The following PLEKHH1 variants were observed in gnomAD, a reference collection of about 807,000 sequenced individuals.
The protein encoded by PLEKHH1 is pleckstrin homology domain-containing family H member 1.
A neutral mutation model predicts 160.0 loss-of-function variants in PLEKHH1; 104 were observed. The ratio of observed to expected loss-of-function variants is 0.65; its 90% CI spans 0.55 to 0.76. The LOEUF (loss-of-function observed/expected upper bound fraction) is 0.76, where lower values mean the gene tolerates loss of function less well. PLEKHH1 is among the 30% of genes least tolerant of loss of function. The probability of loss-of-function intolerance (pLI) is 0.00; values close to 1 mark genes in which losing one functional copy is unlikely to be tolerated. For missense variants in PLEKHH1, 1,427 were observed against 1,724.1 expected (o/e 0.83, Z 3.05); for synonymous variants, 619 against 678.4 (o/e 0.91, Z 1.36).
At chr14:67,585,752 G>A in intron 27 of PLEKHH1, 98 bp downstream of exon 27, 2 of 1,054,684 alleles carry the variant, frequency 1.9e-6, no homozygotes, top group Admixed American at 4.4e-5. Context: ...AAGTGACCAT[G>A]GCTGCCCTAC....
In PLEKHH1 at chr14:67,562,578, G is replaced by A. The variant is rs780151592; in HGVS notation, c.947G>A (p.Arg316Gln). The A allele has an allele frequency of 1.6e-5, 26 of 1,612,364 alleles. No individual in the cohort carries two copies. Among genetic ancestry groups the A allele is most frequent in the East Asian group, 6.7e-5 (3 of 44,798 alleles). ...PGSSLTLPKV[R>Q]APGTPRDSIQ... ...AGCAGTCTGACCCTACCAAAGGTGCGGGCTCCTGGCACCCCGCGGGACAGC... is the reference window on the plus strand; with the variant it reads ...AGCAGTCTGACCCTACCAAAGGTGCAGGCTCCTGGCACCCCGCGGGACAGC... The change falls in exon 7 of 29, where the codon CGG becomes CAG. Residue 316 changes from arginine to glutamine, a missense_variant. Arg to Gln is a conservative substitution (Grantham distance 43). Coordinates refer to ENST00000329153, the MANE Select transcript of PLEKHH1 (RefSeq NM_020715.3).
intron 3 of PLEKHH1, among the ~76,000 whole-genome samples, chr14:67,556,888 A>T (rs1429110959): frequency 6.6e-6 from 1 of 152,112 alleles, no homozygotes; most frequent in Non-Finnish European, 1.5e-5. Flanking sequence ...TGAACAGTAA[A>T]TATCTCTACC....
chr14:67,555,552 C>T lies in PLEKHH1; in HGVS notation c.127-273C>T, dbSNP rs911593424. Among the ~76,000 whole-genome samples the T allele has an allele frequency of 7.9e-5, 12 of 152,272 alleles. No individual in the cohort carries two copies. In the East Asian group the frequency reaches 1.4e-3, roughly 17 times the overall value. ...ATGACAGTGGAGCTGCTGCCCTCCC[C>T]GGACACCCTCCATCAGGACAAAAGA... On this transcript the variant is annotated intron_variant, in intron 2 of 28. Transcript: ENST00000329153.
rs76077213 is a variant in PLEKHH1 at position 67,557,656 on chromosome 14, G to A, written c.339+238G>A. 1.8e-4 allele frequency among the ~76,000 whole-genome samples: 28 copies of A among 152,364 alleles called. 1 individual carries two copies. In the East Asian group the frequency reaches 5.4e-3, roughly 29 times the overall value. ...AGCTTGGAGGCAGACTGATCTGGGT[G>A]TGAAGCCCACCTCTAGCACCTGCTG... On this transcript the variant is annotated intron_variant, in intron 4 of 28. Transcript: ENST00000329153.
Position 67,587,387 on chromosome 14 carries a change from C to T in PLEKHH1, c.*152C>T. ...TTTTAGTCTCTGTGAAGCCTTTACT[C>T]TCTAGGTGCCTTATAATGTTTCAGG... is the stretch of plus-strand genomic sequence containing the variant. On this transcript the variant is annotated 3_prime_UTR_variant, in exon 29 of 29. Coordinates refer to ENST00000329153, the MANE Select transcript of PLEKHH1 (RefSeq NM_020715.3). 1 of 816,034 alleles carries T rather than the reference C, an allele frequency of 1.2e-6. No homozygotes were observed. Among genetic ancestry groups the T allele is most frequent in the Admixed American group, 2.2e-5 (1 of 44,914 alleles). The allele number at this position is 816,034 out of a possible 1,614,324, so 50.5% of individuals were successfully genotyped here. A position where few individuals can be genotyped will look rare whatever the true frequency, so the allele number is the denominator to read the frequency against.
Position 67,573,523 on chromosome 14 carries a change from C to T in PLEKHH1, c.1839+137C>T, listed in dbSNP as rs2140479489. 1.5e-6 allele frequency: 1 copy of T among 660,588 alleles called. No homozygotes were observed. Among genetic ancestry groups the T allele is most frequent in the Admixed American group, 2.6e-5 (1 of 37,984 alleles). 40.9% of individuals were successfully genotyped at this position (660,588 alleles called of 1,614,324 possible). ...TCTGGCAGGTGGGGAGAGGCAACCT[C>T]ACTGGGCCCCTGAGGCTTTGAGCCA... On this transcript the variant is annotated intron_variant, in intron 12 of 28. Coordinates refer to ENST00000329153, the MANE Select transcript of PLEKHH1 (RefSeq NM_020715.3). The surrounding 1 kb of genome is among the most constrained non-coding windows in gnomAD (Gnocchi z 4.8).
chr14:67,584,528 A>G (rs956433734), intron 26 of PLEKHH1, among the ~76,000 whole-genome samples: 3 of 152,256 alleles, frequency 2.0e-5, no homozygotes, highest in Non-Finnish European at 2.9e-5. Flanking sequence ...CCTCTGTATG[A>G]AGGCCAGGTG....
chr14:67,579,430 A>T, intron 21 of PLEKHH1, 119 bp downstream of exon 21: 4 of 824,858 alleles, frequency 4.8e-6, no homozygotes, highest in South Asian at 2.1e-5. Context: ...AGTAGATATT[A>T]TGAACTCACT....
chr14:67,585,058 T>C (rs138671109), intron 26 of PLEKHH1: 1 of 153,170 alleles, frequency 6.5e-6, no homozygotes, highest in East Asian at 1.9e-4. Flanking sequence ...GTCCACTAAA[T>C]AGTCACTTTC....
chr14:67,537,346 A>AAT (rs2033770426), intron 1 of PLEKHH1, among the ~76,000 whole-genome samples: 1 of 126,602 alleles, frequency 7.9e-6, no homozygotes, highest in East Asian at 2.2e-4. Context: ...TCCATCTCAA[A>AAT]AATAATAATA....
intron 17 of PLEKHH1, among the ~76,000 whole-genome samples, chr14:67,577,037 C>T (rs978029540): frequency 1.3e-5 from 2 of 152,154 alleles, no homozygotes; most frequent in African/African-American, 2.4e-5. Flanking sequence ...CTCCCCTGCA[C>T]ACATCCACCT....
At position 67,559,599 on chromosome 14, in the gene PLEKHH1, T is replaced by G. The variant is rs774675047; in HGVS notation, c.340-9T>G. ...TTGGGATTAACGGAAGGCCCTCTCT[T>G]TCTTGCAGAAGCAGATGAGGGCAGA... On this transcript the variant is annotated splice_polypyrimidine_tract_variant and intron_variant, in intron 4 of 28. Coordinates refer to ENST00000329153, the MANE Select transcript of PLEKHH1 (RefSeq NM_020715.3). 1 of 1,576,946 alleles carries G rather than the reference T, an allele frequency of 6.3e-7. No homozygotes were observed. The highest frequency in any genetic ancestry group is 2.3e-5 in the East Asian group (1 of 43,524).
chr14:67,583,743 A>C lies in PLEKHH1; in HGVS notation c.3429A>C (p.Val1143=). Residue 1143 remains valine, a splice_region_variant and synonymous_variant, in exon 25 of 29, where the codon GTA becomes GTC. Transcript: ENST00000329153. The part of the protein sequence containing the change: ...ALEMAALMAQ[V]EYGDLEKPAL... Reference sequence around the variant, plus strand: ...CTCTTCATATGCTTCTACCACAGGTAGAATATGGGGACTTGGAGAAGCCTG... The same window carrying C: ...CTCTTCATATGCTTCTACCACAGGTCGAATATGGGGACTTGGAGAAGCCTG... 1.2e-6 allele frequency: 2 copies of C among 1,610,564 alleles called. No homozygotes were observed. The highest frequency in any genetic ancestry group is 1.7e-6 in the Non-Finnish European group (2 of 1,178,284).
At chr14:67,563,529 G>T (rs1222064651) in intron 7 of PLEKHH1, among the ~76,000 whole-genome samples, 1 of 151,980 alleles carries the variant, frequency 6.6e-6, no homozygotes, top group African/African-American at 2.4e-5. Flanking sequence ...TGCCTCCTGG[G>T]TTCAATCAAT....
Position 67,576,984 on chromosome 14 carries a change from T to C in PLEKHH1, c.2462-318T>C, listed in dbSNP as rs536263613. 3.9e-5 allele frequency among the ~76,000 whole-genome samples: 6 copies of C among 152,204 alleles called. No individual in the cohort carries two copies. The highest frequency in any genetic ancestry group is 3.4e-3 in the Middle Eastern group (1 of 294). On this transcript the variant is annotated intron_variant, in intron 17 of 28. Transcript: ENST00000329153. The surrounding 1 kb of genome is among the most constrained non-coding windows in gnomAD (Gnocchi z 4.0). ...TGAGGCTTGTTTGTTTCTGACCAAT[T>C]CATATGCCCCTCCATCCAGACTTGA...
chr14:67,575,933 C>G lies in PLEKHH1; in HGVS notation c.2280C>G (p.Ser760=), dbSNP rs2035607860. ...EAGGTRRLLS[S]HCTLVIHPTE... is the part of the protein sequence containing the mutation. ...GAGGAACCAGACGGTTGCTTTCCTC[C>G]CACTGCACCCTGGTGATCCACCCCA... Residue 760 remains serine (S), a synonymous_variant, in exon 16 of 29, where the codon TCC becomes TCG. Transcript: ENST00000329153. 1 of 1,613,954 alleles carries G rather than the reference C, an allele frequency of 6.2e-7. No homozygotes were observed. Among genetic ancestry groups the G allele is most frequent in the African/African-American group, 1.3e-5 (1 of 75,044 alleles).
intron 1 of PLEKHH1, among the ~76,000 whole-genome samples, chr14:67,538,503 ATTTT>A (rs904539399): frequency 1.3e-5 from 2 of 152,206 alleles, no homozygotes; most frequent in Non-Finnish European, 2.9e-5. Flanking sequence ...ATCCTTGTGC[ATTTT>A]TATGGGAGGT....
intron 3 of PLEKHH1, among the ~76,000 whole-genome samples, chr14:67,557,022 C>T (rs1207777351): frequency 1.3e-5 from 2 of 152,222 alleles, no homozygotes; most frequent in African/African-American, 4.8e-5. Flanking sequence ...CTCCTCTGCC[C>T]TCCTCTTACC....
In PLEKHH1 at chr14:67,574,107, A is replaced by G. The variant is rs575813339; in HGVS notation, c.1927-135A>G. On this transcript the variant is annotated intron_variant, in intron 13 of 28. Coordinates refer to ENST00000329153, the MANE Select transcript of PLEKHH1 (RefSeq NM_020715.3). This position sits in a 1 kb window ranked among gnomAD's most constrained non-coding sequence, Gnocchi z 4.2. Reference sequence around the variant, plus strand: ...GACAGGGAGGAAAAGATGAGGAGGAAAAGAAAGGAGGGAGCACTAGGGCAG... The same window carrying G: ...GACAGGGAGGAAAAGATGAGGAGGAGAAGAAAGGAGGGAGCACTAGGGCAG... 10 of 764,370 alleles carry G rather than the reference A, an allele frequency of 1.3e-5. No individual in the cohort carries two copies. The highest frequency in any genetic ancestry group is 7.0e-5 in the African/African-American group (4 of 56,844). 47.3% of individuals were successfully genotyped at this position (764,370 alleles called of 1,614,324 possible).
Sources: gnomAD v4.1 joint callset for allele counts (sites outside exome capture counted in the v4.1 genomes callset) on GRCh38, gnomAD v4.1.1 for gene constraint, Gnocchi (gnomAD v3.1) non-coding constraint, MANE v1.5 for transcripts, NCBI Gene and HGNC (gene_info 2026-07-23, HGNC 2026-07-21) for gene names.